TNRC18: variants seen among roughly 807,000 people sequenced by gnomAD.
TNRC18 encodes the protein trinucleotide repeat-containing gene 18 protein.
TNRC18 carries 69 observed loss-of-function variants against 226.7 expected under a neutral mutation model. The ratio of observed to expected loss-of-function variants is 0.30; its 90% CI spans 0.25 to 0.37. The LOEUF (loss-of-function observed/expected upper bound fraction) is 0.37. Among genes scored for constraint, TNRC18 ranks in the 10% least tolerant of loss-of-function variants. The pLI is 1.00. For missense variants in TNRC18, 4,754 were observed against 4,256.6 expected, an observed-to-expected ratio of 1.12 and a Z score of -3.25; for synonymous variants, 2,449 against 1,927.6, an observed-to-expected ratio of 1.27 and a Z score of -7.09.
intron 5 of TNRC18, among the ~76,000 whole-genome samples, chr7:5,383,879 A>C (rs1408880157): frequency 6.8e-6 from 1 of 146,484 alleles, no homozygotes; most frequent in Non-Finnish European, 1.5e-5. Context: ...TGCAGCCTTG[A>C]CCTCCTGGGC....
In TNRC18 at chr7:5,313,639, G is replaced by C. The variant is rs942000434; in HGVS notation, c.7252C>G (p.Pro2418Ala). The C allele has an allele frequency of 1.2e-6, 2 of 1,604,976 alleles. No homozygotes were observed. The highest frequency in any genetic ancestry group is 2.2e-5 in the East Asian group (1 of 44,642). The change falls in exon 27 of 30, where the codon CCT becomes GCT. Residue 2418 changes from proline (P) to alanine (A), a missense_variant. By Grantham distance (27) the Pro-to-Ala change is conservative (BLOSUM62 -1). Coordinates refer to ENST00000430969, the MANE Select transcript of TNRC18 (RefSeq NM_001080495.3). ...GGTGCTGGGGCCAGGGAGGTGGCAG[G>C]AGCTGGCAGCTCTGCAAATGGCTCG... ...APEPFAELPA[P>A]ATSLAPAPLI...
intron 18 of TNRC18, among the ~76,000 whole-genome samples, chr7:5,339,466 C>T (rs1790454427): frequency 1.3e-5 from 2 of 151,930 alleles, no homozygotes; most frequent in Admixed American, 1.3e-4. Context: ...TCTCAAACTC[C>T]TGACCTCTGA....
rs1780208514 is a variant in TNRC18 at position 5,390,486 on chromosome 7, T to A, written c.486A>T (p.Gly162=). The A allele has an allele frequency of 1.2e-6, 2 of 1,610,980 alleles. No individual in the cohort carries two copies. Among genetic ancestry groups the A allele is most frequent in the South Asian group, 1.1e-5 (1 of 90,932 alleles). Residue 162 remains glycine, a splice_region_variant and synonymous_variant, in exon 4 of 30, where the codon GGA becomes GGT. Transcript: ENST00000430969. The part of the protein sequence containing the change: ...FDTQKGQGPG[G]DGFYLPTAGA... The stretch of plus-strand genomic sequence containing the variant: ...CCCAACCCCGGACTCCAGTCTTACC[T>A]CCTCCTGGCCCCTGACCTTTCTGGG...
intron 25 of TNRC18, 81 bp downstream of exon 25, chr7:5,315,875 G>T: frequency 1.9e-6 from 2 of 1,070,284 alleles, no homozygotes; most frequent in Non-Finnish European, 2.6e-6. Flanking sequence ...TTCAGACAGA[G>T]CTCAGAGCCG....
intron 19 of TNRC18, among the ~76,000 whole-genome samples, chr7:5,327,332 C>A (rs555063066): frequency 6.6e-6 from 1 of 151,818 alleles, no homozygotes; most frequent in Admixed American, 6.6e-5. Flanking sequence ...CAGTTTAATC[C>A]CCATTTTGGG....
chr7:5,325,431 T>G (rs978607964), intron 19 of TNRC18, 183 bp from the exon 20 acceptor site: 28 of 629,306 alleles, frequency 4.4e-5, no homozygotes, highest in African/African-American at 1.4e-4. Flanking sequence ...TTTTTTTGTT[T>G]TTTTTTTTTT....
At position 5,388,846 on chromosome 7, in the gene TNRC18, A is replaced by T. The variant is rs187925525; in HGVS notation, c.978T>A (p.Pro326=). 1,435 of 1,238,460 alleles carry T rather than the reference A, an allele frequency of 1.2e-3. 30 individuals are homozygous for T. The East Asian group carries it at 0.041, about 35-fold the overall frequency. 76.7% of individuals were successfully genotyped at this position (1,238,460 alleles called of 1,614,324 possible). The change falls in exon 5 of 30, where the codon CCT becomes CCA. Residue 326 remains proline (P), a synonymous_variant. Transcript: ENST00000430969. ...GCGGTGAGGGGCAGGGGCGCGGCCCAGGGAGCAGGGTCTCCGTGCGCCGCA... is the reference window on the plus strand; with the variant it reads ...GCGGTGAGGGGCAGGGGCGCGGCCCTGGGAGCAGGGTCTCCGTGCGCCGCA... ...RLLRRTETLL[P]GPRPCPSPLP... is the part of the protein sequence containing the mutation.
chr7:5,363,396 A>G (rs1321435506), intron 11 of TNRC18, among the ~76,000 whole-genome samples: 1 of 152,090 alleles, frequency 6.6e-6, no homozygotes, highest in African/African-American at 2.4e-5. Flanking sequence ...AGGTCAGGAG[A>G]TGGAGACCAT....
At chr7:5,410,685 G>A (rs1349092231) in intron 2 of TNRC18, among the ~76,000 whole-genome samples, 2 of 151,834 alleles carry the variant, frequency 1.3e-5, no homozygotes, top group Non-Finnish European at 2.9e-5. Flanking sequence ...GGCCAACATG[G>A]TAAAACCCCA....
rs1466466616 is a variant in TNRC18, at chr7:5,307,436, A to T, written c.*670T>A. 2.7e-6 allele frequency: 1 copy of T among 367,696 alleles called. No homozygotes were observed. The highest frequency in any genetic ancestry group is 3.2e-5 in the Admixed American group (1 of 31,586). The allele number at this position is 367,696 out of a possible 1,614,324, so 22.8% of individuals were successfully genotyped here. A position where few individuals can be genotyped will look rare whatever the true frequency, so the allele number is the denominator to read the frequency against. ...GTGGCCGGGCGACAGTTTCAGCACC[A>T]TTGGGGTTTTCTGTAGTGTGAGGGT... On this transcript the variant is annotated 3_prime_UTR_variant, in exon 30 of 30. Coordinates refer to ENST00000430969, the MANE Select transcript of TNRC18 (RefSeq NM_001080495.3).
intron 19 of TNRC18, among the ~76,000 whole-genome samples, chr7:5,329,653 A>G (rs1789301316): frequency 1.6e-5 from 2 of 121,754 alleles, no homozygotes; most frequent in South Asian, 5.8e-4. Context: ...ACTGCACTTC[A>G]GCCTGGGCGA....
rs372684130 is a variant in TNRC18 at position 5,370,759 on chromosome 7, G to A, written c.3835C>T (p.Leu1279=). 4.4e-6 allele frequency: 7 copies of A among 1,603,232 alleles called. No homozygotes were observed. The highest frequency in any genetic ancestry group is 3.3e-4 in the Middle Eastern group (2 of 6,040). Residue 1279 remains leucine, a synonymous_variant, in exon 11 of 30, where the codon CTG becomes TTG. Coordinates refer to ENST00000430969, the MANE Select transcript of TNRC18 (RefSeq NM_001080495.3). ...PVVEAVPEEG[L]AQVAPSESQP... ...GACTCGCTCGGTGCCACCTGCGCCA[G>A]GCCTTCCTCGGGCACTGCCTCCACC...
chr7:5,390,723 G>T lies in TNRC18; in HGVS notation c.344-95C>A. On this transcript the variant is annotated intron_variant, in intron 3 of 29. Transcript: ENST00000430969. ...CTGGAAATAAACTATTTTGGCAGCC[G>T]ACCGCTGGTACAGGGCGCCTTGAGG... 2.9e-6 allele frequency: 4 copies of T among 1,390,866 alleles called. No homozygotes were observed. The South Asian group carries it at 6.5e-5, about 23-fold the overall frequency. The allele number at this position is 1,390,866 out of a possible 1,614,324, so 86.2% of individuals were successfully genotyped here.
chr7:5,344,666 A>C (rs1790989318), intron 18 of TNRC18, among the ~76,000 whole-genome samples: 1 of 152,110 alleles, frequency 6.6e-6, no homozygotes, highest in Non-Finnish European at 1.5e-5. Context: ...ACCTACCCCT[A>C]CTGTGGCTCA....
At chr7:5,308,660 G>C (rs569229624) in intron 29 of TNRC18, among the ~76,000 whole-genome samples, 1 of 152,282 alleles carries the variant, frequency 6.6e-6, no homozygotes, top group Admixed American at 6.5e-5. Context: ...CTCAGAGACA[G>C]ACACTGGGAG....
At chr7:5,308,428 G>A (rs1356655030) in intron 29 of TNRC18, 116 bp from the exon 30 acceptor site, 22 of 930,060 alleles carry the variant, frequency 2.4e-5, no homozygotes, top group East Asian at 7.9e-5. Context: ...CTGAGACAGA[G>A]ACCAAGTCAG....
In TNRC18 at chr7:5,388,004, C is replaced by T; in HGVS notation, c.1820G>A (p.Cys607Tyr). Reference sequence around the variant, plus strand: ...ACCTCCAAAGGGGCTCTTCTTGCCACAGCCACCAGGGCGCACGGCCACGGC... The same window carrying T: ...ACCTCCAAAGGGGCTCTTCTTGCCATAGCCACCAGGGCGCACGGCCACGGC... ...RDAVAVRPGG[C>Y]GKKSPFGGLG... The change falls in exon 5 of 30, where the codon TGT becomes TAT. Residue 607 changes from cysteine (C) to tyrosine (Y), a missense_variant. Coordinates refer to ENST00000430969, the MANE Select transcript of TNRC18 (RefSeq NM_001080495.3). 6.3e-7 allele frequency: 1 copy of T among 1,585,338 alleles called. No individual in the cohort carries two copies. Among genetic ancestry groups the T allele is most frequent in the Non-Finnish European group, 8.6e-7 (1 of 1,167,076 alleles).
Position 5,331,772 on chromosome 7 carries a change from C to T in TNRC18, c.6147+850G>A, listed in dbSNP as rs192264546. On this transcript the variant is annotated intron_variant, in intron 19 of 29. Transcript: ENST00000430969. ...TTAAAATTTAAAAATTAGCTGGGCACGGTGGTATGCACCTGTAGTCCCAGC... is the reference window on the plus strand; with the variant it reads ...TTAAAATTTAAAAATTAGCTGGGCATGGTGGTATGCACCTGTAGTCCCAGC... Among the ~76,000 whole-genome samples, 6 of 152,124 alleles carry T rather than the reference C, an allele frequency of 3.9e-5. No individual in the cohort carries two copies. In the East Asian group the frequency reaches 9.7e-4, roughly 25 times the overall value.
intron 2 of TNRC18, among the ~76,000 whole-genome samples, chr7:5,408,998 C>A (rs1431491965): frequency 6.6e-6 from 1 of 152,176 alleles, no homozygotes; most frequent in African/African-American, 2.4e-5. Flanking sequence ...GCTCTTGGGA[C>A]AGGAACAGCC....
Sources: allele counts gnomAD v4.1 joint callset (sites outside exome capture counted in the v4.1 genomes callset), GRCh38; gene constraint gnomAD v4.1.1; transcripts MANE v1.5; gene names NCBI Gene and HGNC (gene_info 2026-07-23, HGNC 2026-07-21).